Variants in LYPLAL1 observed in about 807,000 individuals in gnomAD.
The protein encoded by LYPLAL1 is lysophospholipase like 1.
LYPLAL1 carries 23 observed loss-of-function variants against 19.7 expected under a neutral mutation model. That is an observed-to-expected ratio of 1.17 (90% confidence interval 0.84 to 1.65). The LOEUF (loss-of-function observed/expected upper bound fraction) is 1.65. Among genes scored for constraint, LYPLAL1 ranks in the 40% most tolerant of loss-of-function variants. The probability of loss-of-function intolerance (pLI) is 0.00; values close to 1 mark genes in which losing one functional copy is unlikely to be tolerated. For missense variants in LYPLAL1, 355 were observed against 279.4 expected (o/e 1.27, Z -1.93); for synonymous variants, 119 against 96.3 (o/e 1.24, Z -1.38).
the LYPLAL1 span, among the ~76,000 whole-genome samples, chr1:219,240,728 G>C: frequency 3.9e-5 from 6 of 151,994 alleles, no homozygotes; most frequent in South Asian, 1.2e-3. Context: ...ATTATGTACG[G>C]ACAGTACACT....
chr1:219,266,994 A>T, the LYPLAL1 span, among the ~76,000 whole-genome samples: 1 of 152,320 alleles, frequency 6.6e-6, no homozygotes, highest in African/African-American at 2.4e-5. Flanking sequence ...GAAAGATCAC[A>T]GTGAATTTAT....
the LYPLAL1 span, among the ~76,000 whole-genome samples, chr1:219,312,934 A>T: frequency 1.3e-5 from 2 of 152,220 alleles, no homozygotes; most frequent in African/African-American, 2.4e-5. Context: ...TACAATGATT[A>T]TGAATGATGA....
At chr1:219,243,256 AT>A in the LYPLAL1 span, among the ~76,000 whole-genome samples, 1 of 152,238 alleles carries the variant, frequency 6.6e-6, no homozygotes, top group South Asian at 2.1e-4. Context: ...AATTGAAGAA[AT>A]AGAAACCAAA....
At position 219,173,942 on chromosome 1, in the gene LYPLAL1, G is replaced by A. The variant is rs1655582911; in HGVS notation, c.52G>A (p.Gly18Arg). The A allele has an allele frequency of 1.2e-6, 2 of 1,613,884 alleles. No homozygotes were observed. The highest frequency in any genetic ancestry group is 2.2e-5 in the East Asian group (1 of 44,886). ...VLQRCIVSPAGRHSASLIFLH... is the reference protein window; with the variant it reads ...VLQRCIVSPARRHSASLIFLH... The stretch of plus-strand genomic sequence containing the variant: ...GCAGCGCTGTATCGTGTCGCCGGCA[G>A]GGAGGCATAGCGCCTCTCTGATCTT... Residue 18 changes from glycine (G) to arginine (R), a missense_variant, in exon 1 of 5, where the codon GGG becomes AGG. Gly to Arg is a moderately radical substitution (Grantham distance 125). Transcript: ENST00000366928.
the LYPLAL1 span, among the ~76,000 whole-genome samples, chr1:219,269,775 CATAATT>C: frequency 1.3e-5 from 2 of 152,048 alleles, no homozygotes; most frequent in Admixed American, 1.3e-4. Context: ...TATCACAAAT[CATAATT>C]ATAAACATAT....
At chr1:219,365,938 A>G in the LYPLAL1 span, among the ~76,000 whole-genome samples, 2 of 152,168 alleles carry the variant, frequency 1.3e-5, no homozygotes, top group African/African-American at 4.8e-5. Context: ...TGTGTTGACA[A>G]TAAAAAATAT....
At chr1:219,272,876 A>G in the LYPLAL1 span, 2 of 152,148 alleles carry the variant, frequency 1.3e-5, no homozygotes, top group African/African-American at 2.4e-5. Flanking sequence ...GTATTATCAA[A>G]AACATCCAGT....
the LYPLAL1 span, among the ~76,000 whole-genome samples, chr1:219,305,199 A>G: frequency 6.6e-6 from 1 of 152,188 alleles, no homozygotes; most frequent in Non-Finnish European, 1.5e-5. Flanking sequence ...CCTTATAAGG[A>G]GAGATCACAA....
chr1:219,423,355 T>C, the LYPLAL1 span, among the ~76,000 whole-genome samples: 1 of 152,172 alleles, frequency 6.6e-6, no homozygotes, highest in African/African-American at 2.4e-5. Flanking sequence ...AACTCTGTGT[T>C]ATGGTTATGT....
chr1:219,235,806 C>T, the LYPLAL1 span, among the ~76,000 whole-genome samples: 3 of 152,256 alleles, frequency 2.0e-5, no homozygotes, highest in South Asian at 2.1e-4. Flanking sequence ...TTCCTGTCTA[C>T]CTTCAGTGCA....
chr1:219,197,786 A>G (rs1384986834), intron 3 of LYPLAL1, among the ~76,000 whole-genome samples: 2 of 152,192 alleles, frequency 1.3e-5, no homozygotes, highest in Admixed American at 6.5e-5. Context: ...TACAAGAAAA[A>G]GAAAACCCCA....
At chr1:219,399,629 T>G in the LYPLAL1 span, among the ~76,000 whole-genome samples, 6 of 152,042 alleles carry the variant, frequency 3.9e-5, no homozygotes, top group African/African-American at 1.2e-4. Context: ...CTGATGGAGC[T>G]CTCCACTGAT....
At chr1:219,353,155 C>T in the LYPLAL1 span, among the ~76,000 whole-genome samples, 4 of 152,300 alleles carry the variant, frequency 2.6e-5, no homozygotes, top group East Asian at 5.8e-4. Flanking sequence ...TGCCTGGAGG[C>T]ATTTACTAGA....
the LYPLAL1 span, among the ~76,000 whole-genome samples, chr1:219,397,959 C>G: frequency 1.8e-3 from 271 of 152,230 alleles, 1 homozygote; most frequent in African/African-American, 6.1e-3. Flanking sequence ...GATGAGCTGC[C>G]CCTTCTCTTT....
intron 1 of LYPLAL1, among the ~76,000 whole-genome samples, chr1:219,177,833 T>A (rs917178181): frequency 1.2e-4 from 19 of 152,210 alleles, no homozygotes; most frequent in African/African-American, 4.3e-4. Flanking sequence ...TGCCAACCTT[T>A]CTGTCAGAAA....
chr1:219,434,620 T>C, the LYPLAL1 span, among the ~76,000 whole-genome samples: 1 of 152,196 alleles, frequency 6.6e-6, no homozygotes, highest in Admixed American at 6.5e-5. Flanking sequence ...ACCTGAAAAA[T>C]GCCTTTTCCT....
the LYPLAL1 span, among the ~76,000 whole-genome samples, chr1:219,380,408 A>G: frequency 2.6e-5 from 4 of 152,210 alleles, no homozygotes; most frequent in Admixed American, 2.6e-4. Context: ...CCAAACAAAC[A>G]TGCTCATTGG....
At chr1:219,378,420 G>A in the LYPLAL1 span, among the ~76,000 whole-genome samples, 1 of 152,106 alleles carries the variant, frequency 6.6e-6, no homozygotes, top group African/African-American at 2.4e-5. Context: ...AACACCATAA[G>A]GATAACCATC....
the LYPLAL1 span, chr1:219,222,412 TTG>T: frequency 6.6e-6 from 1 of 152,122 alleles, no homozygotes; most frequent in Non-Finnish European, 1.5e-5. Context: ...GGGAAATTGT[TTG>T]TCTCAGGGAA....
Sources: allele counts gnomAD v4.1 joint callset (sites outside exome capture counted in the v4.1 genomes callset), GRCh38; gene constraint gnomAD v4.1.1; transcripts MANE v1.5; gene names NCBI Gene and HGNC (gene_info 2026-07-23, HGNC 2026-07-21).